The following ENTREP2 variants were observed in gnomAD, a reference collection of about 807,000 sequenced individuals.
The protein encoded by ENTREP2 is protein ENTREP2.
At chr15:29,517,156 G>A in the ENTREP2 span, among the ~76,000 whole-genome samples, 11 of 152,090 alleles carry the variant, frequency 7.2e-5, no homozygotes, top group African/African-American at 2.7e-4. Context: ...GGAAGCGGGG[G>A]AGCAGCGGAG....
At chr15:29,312,148 C>T in the ENTREP2 span, among the ~76,000 whole-genome samples, 4 of 152,194 alleles carry the variant, frequency 2.6e-5, no homozygotes, top group African/African-American at 9.7e-5. Context: ...CTGCTACAGT[C>T]TGGAACAAGA....
At chr15:29,143,490 C>G in the ENTREP2 span, among the ~76,000 whole-genome samples, 1 of 152,248 alleles carries the variant, frequency 6.6e-6, no homozygotes, top group Admixed American at 6.5e-5. Flanking sequence ...TGTGGGAGGT[C>G]AGGGCATGGC....
the ENTREP2 span, among the ~76,000 whole-genome samples, chr15:29,224,497 T>C: frequency 2.6e-5 from 4 of 152,176 alleles, no homozygotes; most frequent in African/African-American, 4.8e-5. Flanking sequence ...TGGTCTGTTT[T>C]ACAGAGAGCT....
the ENTREP2 span, among the ~76,000 whole-genome samples, chr15:29,176,684 C>T: frequency 4.6e-5 from 7 of 152,194 alleles, no homozygotes; most frequent in Non-Finnish European, 1.0e-4. Flanking sequence ...CGGGGCAGCA[C>T]CGTGCACCTG....
chr15:29,636,801 A>C, the ENTREP2 span, among the ~76,000 whole-genome samples: 1,992 of 152,300 alleles, frequency 0.013, 39 homozygotes, highest in African/African-American at 0.045. Flanking sequence ...ACATGAATAT[A>C]GCTAAATATA....
the ENTREP2 span, among the ~76,000 whole-genome samples, chr15:29,330,207 G>C: frequency 6.6e-6 from 1 of 151,984 alleles, no homozygotes; most frequent in Non-Finnish European, 1.5e-5. Context: ...GGGAGGCCAA[G>C]GCAGGTGGAT....
chr15:29,310,727 A>G, the ENTREP2 span, among the ~76,000 whole-genome samples: 1 of 152,128 alleles, frequency 6.6e-6, no homozygotes, highest in East Asian at 1.9e-4. Context: ...GCAGAAACAG[A>G]GCTTGAAAAT....
At chr15:29,284,333 A>G in the ENTREP2 span, among the ~76,000 whole-genome samples, 1 of 152,000 alleles carries the variant, frequency 6.6e-6, no homozygotes. Context: ...TGAGGTGGGC[A>G]GATCACTTGA....
At chr15:29,619,308 C>T in the ENTREP2 span, among the ~76,000 whole-genome samples, 1 of 152,126 alleles carries the variant, frequency 6.6e-6, no homozygotes, top group Admixed American at 6.5e-5. Context: ...AGGAAAATTG[C>T]TTGAACCCAG....
chr15:29,423,147 T>G, the ENTREP2 span, among the ~76,000 whole-genome samples: 2 of 152,150 alleles, frequency 1.3e-5, no homozygotes, highest in African/African-American at 4.8e-5. Context: ...AAGAAAATGC[T>G]TCAACCCTGA....
At chr15:29,638,382 A>C in the ENTREP2 span, among the ~76,000 whole-genome samples, 3 of 152,166 alleles carry the variant, frequency 2.0e-5, no homozygotes, top group East Asian at 5.8e-4. Flanking sequence ...AACCAAAACC[A>C]TCTCCAGACA....
the ENTREP2 span, chr15:29,252,544 C>CT: frequency 1.2e-6 from 1 of 835,942 alleles, no homozygotes; most frequent in African/African-American, 1.7e-5. Context: ...AATGACATGG[C>CT]TTTACAACAG....
chr15:29,477,034 A>G, the ENTREP2 span, among the ~76,000 whole-genome samples: 1 of 152,238 alleles, frequency 6.6e-6, no homozygotes, highest in Admixed American at 6.5e-5. Flanking sequence ...TCAACAGCAC[A>G]CTGGTAGGTA....
chr15:29,180,367 A>G, the ENTREP2 span, among the ~76,000 whole-genome samples: 2 of 152,188 alleles, frequency 1.3e-5, no homozygotes, highest in Non-Finnish European at 2.9e-5. Context: ...TAAATTTGCT[A>G]TAAATAATAA....
At chr15:29,388,287 AC>A in the ENTREP2 span, among the ~76,000 whole-genome samples, 2 of 152,164 alleles carry the variant, frequency 1.3e-5, no homozygotes, top group Non-Finnish European at 2.9e-5. Context: ...AAAACAAACA[AC>A]CCTATCAACA....
chr15:29,270,576 T>G, the ENTREP2 span, among the ~76,000 whole-genome samples: 1 of 152,228 alleles, frequency 6.6e-6, no homozygotes, highest in African/African-American at 2.4e-5. Context: ...TACTACTTAA[T>G]TTGGGGCATC....
the ENTREP2 span, among the ~76,000 whole-genome samples, chr15:29,648,680 G>A: frequency 6.6e-6 from 1 of 152,210 alleles, no homozygotes; most frequent in South Asian, 2.1e-4. Flanking sequence ...GCTCATGCCT[G>A]TAATCCCAGT....
At chr15:29,556,658 T>C in the ENTREP2 span, among the ~76,000 whole-genome samples, 1 of 152,128 alleles carries the variant, frequency 6.6e-6, no homozygotes, top group South Asian at 2.1e-4. Context: ...CATTTCTGTC[T>C]CTCCTGCCTT....
chr15:29,141,559 G>C, the ENTREP2 span, among the ~76,000 whole-genome samples: 2 of 152,268 alleles, frequency 1.3e-5, no homozygotes, highest in South Asian at 4.2e-4. Flanking sequence ...TCCCAGCCGG[G>C]TCTGCTCACC....
Sources: allele counts gnomAD v4.1 joint callset (sites outside exome capture counted in the v4.1 genomes callset), GRCh38; gene constraint gnomAD v4.1.1; transcripts MANE v1.5; gene names NCBI Gene and HGNC (gene_info 2026-07-23, HGNC 2026-07-21).